NAALADL1: variants seen among roughly 807,000 people sequenced by gnomAD.
The protein encoded by NAALADL1 is N-acetylated alpha-linked acidic dipeptidase like 1.
A neutral mutation model predicts 82.8 loss-of-function variants in NAALADL1; 77 were observed. The ratio of observed to expected loss-of-function variants is 0.93; its 90% CI spans 0.77 to 1.12. The LOEUF (loss-of-function observed/expected upper bound fraction) is 1.12. NAALADL1 is among the 50% of genes most tolerant of loss of function. The probability of loss-of-function intolerance (pLI) is 0.00; values close to 1 mark genes in which losing one functional copy is unlikely to be tolerated. For missense variants in NAALADL1, 956 were observed against 964.0 expected, an observed-to-expected ratio of 0.99 and a Z score of 0.11; for synonymous variants, 358 against 399.2, an observed-to-expected ratio of 0.90 and a Z score of 1.23.
rs767036154 is a variant in NAALADL1 at position 65,046,055 on chromosome 11, T to G, written c.1915A>C (p.Ile639Leu). ...EAEAAALGQR[I>L]STLQKGSPDP... ...GGGCTGCCCTTCTGCAGTGTTGATA[T>G]GCGTTGGCCCAAGGCTGCAGCTTCT... The change falls in exon 16 of 18, where the codon ATA (isoleucine) becomes CTA (leucine). Residue 639 changes from isoleucine to leucine, a missense_variant. Ile to Leu is a conservative substitution (Grantham distance 5, BLOSUM62 2). Transcript: ENST00000358658. 8 of 1,613,934 alleles carry G rather than the reference T, an allele frequency of 5.0e-6. No individual in the cohort carries two copies. The highest frequency in any genetic ancestry group is 6.8e-6 in the Non-Finnish European group (8 of 1,180,014).
At chr11:65,045,634 G>A in intron 17 of NAALADL1, 177 bp from the exon 18 acceptor site, 2 of 878,832 alleles carry the variant, frequency 2.3e-6, no homozygotes, top group South Asian at 3.6e-5. Flanking sequence ...GGAAATGTGG[G>A]TTCCAGTCCT....
chr11:65,047,911 GT>G, intron 11 of NAALADL1, 69 bp downstream of exon 11: 1 of 262,594 alleles, frequency 3.8e-6, no homozygotes, highest in Non-Finnish European at 6.4e-6. Context: ...CCGCCCACCC[GT>G]AGCGGCCCCG....
chr11:65,048,830 G>C (rs568929857), intron 8 of NAALADL1, among the ~76,000 whole-genome samples: 3 of 152,184 alleles, frequency 2.0e-5, no homozygotes, highest in African/African-American at 4.8e-5. Flanking sequence ...GCTGAGAGAA[G>C]CTAAATGACT....
Position 65,058,218 on chromosome 11 carries a change from C to G in NAALADL1, c.218G>C (p.Ser73Thr). The change falls in exon 2 of 18, where the codon AGC becomes ACC. Residue 73 changes from serine (S) to threonine (T), a missense_variant. Coordinates refer to ENST00000358658, the MANE Select transcript of NAALADL1 (RefSeq NM_005468.3). ...ELSREPHLAS[S>T]PRDEDLVQLL... The stretch of plus-strand genomic sequence containing the variant: ...CTGCACCAGGTCCTCATCCCGAGGG[C>G]TGGAGGCCAGGTGTGGCTCCCTGGA... 1 of 1,613,668 alleles carries G rather than the reference C, an allele frequency of 6.2e-7. No homozygotes were observed. Among genetic ancestry groups the G allele is most frequent in the Non-Finnish European group, 8.5e-7 (1 of 1,179,778 alleles).
chr11:65,058,400 T>G lies in NAALADL1; in HGVS notation c.122A>C (p.Asp41Ala), dbSNP rs764383436. The G allele has an allele frequency of 1.9e-6, 3 of 1,613,988 alleles. No individual in the cohort carries two copies. In the South Asian group the frequency reaches 3.3e-5, roughly 18 times the overall value. The change falls in exon 1 of 18, where the codon GAC (aspartate) becomes GCC (alanine). Residue 41 changes from aspartate (D) to alanine (A), a missense_variant. Physicochemically the swap from Asp to Ala is moderately radical, Grantham distance 126. Coordinates refer to ENST00000358658, the MANE Select transcript of NAALADL1 (RefSeq NM_005468.3). ...CATGACGGTCTCCAGGATCTCCAGG[T>G]CCAGGTCCTGGGGGGCCAGTGAGTT... ...KANSLAPQDLDLEILETVMGQ... is the reference protein window; with the variant it reads ...KANSLAPQDLALEILETVMGQ...
At chr11:65,048,449 A>C in intron 8 of NAALADL1, 64 bp from the exon 9 acceptor site, 5 of 1,583,866 alleles carry the variant, frequency 3.2e-6, no homozygotes, top group South Asian at 1.1e-5. Flanking sequence ...CCTTAGGAGA[A>C]AGGCTGCTGA....
upstream of NAALADL1, among the ~76,000 whole-genome samples, chr11:65,060,236 T>A (rs144991069): frequency 6.7e-3 from 1,016 of 152,038 alleles, 5 homozygotes; most frequent in Non-Finnish European, 9.6e-3. Flanking sequence ...GGCACCACCA[T>A]CTCTTGTGCT....
At chr11:65,047,820 C>A in intron 11 of NAALADL1, 82 bp from the exon 12 acceptor site, 1 of 1,492,354 alleles carries the variant, frequency 6.7e-7, no homozygotes. Flanking sequence ...GGTCTCCTGC[C>A]CACCCGTGGT....
In NAALADL1 at chr11:65,057,973, GGAT is replaced by G. The variant is rs984551795; in HGVS notation, c.379_381del (p.Ile127del). On this transcript the variant is annotated inframe_deletion, in exon 3 of 18. Coordinates refer to ENST00000358658, the MANE Select transcript of NAALADL1 (RefSeq NM_005468.3). ...TTCTCCTCAGTCCGGTGGCAGGAGT[GGAT>G]GATGCCCCCAGTGGGGCCCACTGTT... is the stretch of plus-strand genomic sequence containing the variant. 4 of 1,614,014 alleles carry G rather than the reference GGAT, an allele frequency of 2.5e-6. No homozygotes were observed. The African/African-American group carries it at 5.3e-5, about 22-fold the overall frequency.
chr11:65,054,602 C>T lies in NAALADL1; in HGVS notation c.740G>A (p.Gly247Asp), dbSNP rs745326856. 1 of 1,613,734 alleles carries T rather than the reference C, an allele frequency of 6.2e-7. No individual in the cohort carries two copies. The highest frequency in any genetic ancestry group is 1.7e-5 in the Admixed American group (1 of 59,954). ...GTCCCCAAAATACTCGTAGTAGGAGCCTCGCTCCACTCCTGAGGGGGGCAG... is the reference window on the plus strand; with the variant it reads ...GTCCCCAAAATACTCGTAGTAGGAGTCTCGCTCCACTCCTGAGGGGGGCAG... ...WYLPPSGVER[G>D]SYYEYFGDPL... Residue 247 changes from glycine to aspartate, a missense_variant, in exon 5 of 18, where the codon GGC becomes GAC. Transcript: ENST00000358658. The surrounding 1 kb of genome is among the most constrained non-coding windows in gnomAD (Gnocchi z 4.3).
In NAALADL1 at chr11:65,046,200, C is replaced by G; in HGVS notation, c.1844G>C (p.Ser615Thr). Reference sequence around the variant, plus strand: ...AGGGCTGTGCATACCCAGGCTGATGCTGTGCTGCTCCAGCAGGGCCCCAAG... The same window carrying G: ...AGGGCTGTGCATACCCAGGCTGATGGTGTGCTGCTCCAGCAGGGCCCCAAG... ...QDLGALLEQH[S>T]ISLGPLVTAV... Residue 615 changes from serine (S) to threonine (T), a missense_variant, in exon 15 of 18, where the codon AGC becomes ACC. Transcript: ENST00000358658. The G allele has an allele frequency of 6.2e-7, 1 of 1,614,140 alleles. No individual in the cohort carries two copies.
intron 4 of NAALADL1, among the ~76,000 whole-genome samples, chr11:65,056,328 C>G (rs1479800434): frequency 6.6e-6 from 1 of 152,154 alleles, no homozygotes; most frequent in Non-Finnish European, 1.5e-5. Flanking sequence ...ATCCGAAACT[C>G]GGTCCCCATT....
Position 65,057,491 on chromosome 11 carries a change from G to A in NAALADL1, c.483C>T (p.Gly161=), listed in dbSNP as rs1455372786. 4 of 1,612,448 alleles carry A rather than the reference G, an allele frequency of 2.5e-6. No individual in the cohort carries two copies. In the African/African-American group the frequency reaches 5.3e-5, roughly 22 times the overall value. ...AAYAPSGTPQ[G]LLVYANRGAE... ...CGCCCCGGTTGGCATAGACGAGGAG[G>A]CCCTAGTCCCAAGAGGGGGTGATCC... The change falls in exon 4 of 18, where the codon GGC becomes GGT. Residue 161 remains glycine, a splice_region_variant and synonymous_variant. Coordinates refer to ENST00000358658, the MANE Select transcript of NAALADL1 (RefSeq NM_005468.3).
rs10535126 is a variant in NAALADL1 at position 65,051,315 on chromosome 11, C to CTTTTTT, written c.1198+1897_1198+1902dup. On this transcript the variant is annotated intron_variant, in intron 8 of 17. Transcript: ENST00000358658. ...AAGTCTCTCTCTCCTTTCTTTCTTTCTTTTTTTTTTTTTTTTTTTTTTTTT... is the reference window on the plus strand; with the variant it reads ...AAGTCTCTCTCTCCTTTCTTTCTTTCTTTTTTTTTTTTTTTTTTTTTTTTTTTTTTT... 9.2e-4 allele frequency among the ~76,000 whole-genome samples: 55 copies of CTTTTTT among 59,572 alleles called. 4 individuals carry two copies. Among genetic ancestry groups the CTTTTTT allele is most frequent in the African/African-American group, 2.8e-3 (43 of 15,594 alleles). 39.1% of individuals were successfully genotyped at this position (59,572 alleles called of 152,430 possible).
chr11:65,053,689 G>A lies in NAALADL1; in HGVS notation c.993-113C>T. ...AAGTGACGTGGCAAGGCCATTCATT[G>A]GCCCCGAAGTACCAAGAGAGGCAGC... On this transcript the variant is annotated intron_variant, in intron 6 of 17. Coordinates refer to ENST00000358658, the MANE Select transcript of NAALADL1 (RefSeq NM_005468.3). This position sits in a 1 kb window ranked among gnomAD's most constrained non-coding sequence, Gnocchi z 4.3. 1.1e-6 allele frequency: 1 copy of A among 924,000 alleles called. No individual in the cohort carries two copies. The highest frequency in any genetic ancestry group is 1.6e-6 in the Non-Finnish European group (1 of 617,924). The allele number at this position is 924,000 out of a possible 1,614,324, so 57.2% of individuals were successfully genotyped here.
At chr11:65,055,332 G>C (rs1324339727) in intron 4 of NAALADL1, among the ~76,000 whole-genome samples, 1 of 152,176 alleles carries the variant, frequency 6.6e-6, no homozygotes, top group Non-Finnish European at 1.5e-5. Context: ...AGCTATTTGG[G>C]AGGCTGAGGC....
At chr11:65,049,709 A>G (rs1012155355) in intron 8 of NAALADL1, among the ~76,000 whole-genome samples, 2 of 152,024 alleles carry the variant, frequency 1.3e-5, no homozygotes, top group African/African-American at 2.4e-5. Flanking sequence ...TTGTCTCTAC[A>G]AAAAGTAAAA....
rs762682872 is a variant in NAALADL1 at position 65,053,376 on chromosome 11, G to C, written c.1079-39C>G. ...AAGGGGCAGAGAACCAGAGGAGAGG[G>C]AGAGGTGGGCAGGGGGAGCTGGGCT... On this transcript the variant is annotated intron_variant, in intron 7 of 17. Coordinates refer to ENST00000358658, the MANE Select transcript of NAALADL1 (RefSeq NM_005468.3). The surrounding 1 kb of genome is among the most constrained non-coding windows in gnomAD (Gnocchi z 4.3). 6 of 1,609,098 alleles carry C rather than the reference G, an allele frequency of 3.7e-6. No individual in the cohort carries two copies. In the Admixed American group the frequency reaches 5.1e-5, roughly 14 times the overall value.
chr11:65,047,911 GTA>G, intron 11 of NAALADL1, 68 bp downstream of exon 11: 3 of 262,554 alleles, frequency 1.1e-5, no homozygotes, highest in African/African-American at 4.6e-5. Flanking sequence ...CCGCCCACCC[GTA>G]GCGGCCCCGT....
Sources: allele counts gnomAD v4.1 joint callset (sites outside exome capture counted in the v4.1 genomes callset), GRCh38; gene constraint gnomAD v4.1.1; non-coding constraint Gnocchi (gnomAD v3.1); transcripts MANE v1.5; gene names NCBI Gene and HGNC (gene_info 2026-07-23, HGNC 2026-07-21).